MLLT3: variants seen among roughly 807,000 people sequenced by gnomAD.
MLLT3 encodes MLLT3 super elongation complex subunit, also known as protein AF-9.
A neutral mutation model predicts 53.2 loss-of-function variants in MLLT3; 4 were observed. The observed-to-expected ratio is 0.08, with a 90% confidence interval of 0.04 to 0.17. The LOEUF (loss-of-function observed/expected upper bound fraction) is 0.17, where lower values mean the gene tolerates loss of function less well. MLLT3 is among the 10% of genes least tolerant of loss of function. MLLT3 has a pLI of 1.00. For synonymous variants in MLLT3, 283 were observed against 230.6 expected (o/e 1.23, Z -2.06); for missense variants, 569 against 684.0 (o/e 0.83, Z 1.87).
chr9:20,456,258 T>C (rs1163609960), intron 3 of MLLT3, among the ~76,000 whole-genome samples: 1 of 152,006 alleles, frequency 6.6e-6, no homozygotes, highest in Non-Finnish European at 1.5e-5. Context: ...TTAAATCCAG[T>C]AAAATCCATA....
At chr9:20,367,722 GGTTTCCTGT>G (rs1461537115) in intron 5 of MLLT3, among the ~76,000 whole-genome samples, 1 of 152,044 alleles carries the variant, frequency 6.6e-6, no homozygotes, top group Non-Finnish European at 1.5e-5. Context: ...GAATATTTGT[GGTTTCCTGT>G]GTATAGAACA....
In MLLT3 at chr9:20,601,140, C is replaced by T. The variant is rs974463029; in HGVS notation, c.193+19514G>A. 1.2e-3 allele frequency among the ~76,000 whole-genome samples: 47 copies of T among 37,702 alleles called. 1 individual carries two copies. Among genetic ancestry groups the T allele is most frequent in the Admixed American group, 7.6e-3 (44 of 5,774 alleles). The allele number at this position is 37,702 out of a possible 152,430, so 24.7% of individuals were successfully genotyped here. On this transcript the variant is annotated intron_variant, in intron 2 of 10. Transcript: ENST00000380338. ...AACGTCAAAACGTCAGAATGACATT[C>T]TGGAAACAAACTTCACTTTGGGCTA...
At chr9:20,361,852 A>G (rs1821331663) in intron 7 of MLLT3, among the ~76,000 whole-genome samples, 1 of 152,212 alleles carries the variant, frequency 6.6e-6, no homozygotes, top group South Asian at 2.1e-4. Context: ...AAACTGTTTT[A>G]GAAATCAGGA....
chr9:20,547,287 A>G (rs528369509), intron 2 of MLLT3, among the ~76,000 whole-genome samples: 2 of 151,740 alleles, frequency 1.3e-5, no homozygotes, highest in African/African-American at 4.8e-5. Context: ...ACCTGCCTCA[A>G]CCTCCTAAAG....
chr9:20,459,843 A>G (rs773369488), intron 2 of MLLT3, among the ~76,000 whole-genome samples: 6 of 152,332 alleles, frequency 3.9e-5, no homozygotes, highest in Admixed American at 2.0e-4. Flanking sequence ...AATTTCATCA[A>G]TAACAATGAA....
chr9:20,462,885 C>G (rs918676213), intron 2 of MLLT3, among the ~76,000 whole-genome samples: 3 of 151,966 alleles, frequency 2.0e-5, no homozygotes, highest in Non-Finnish European at 4.4e-5. Context: ...ATAAAGTATA[C>G]AAGGCCTGGG....
At chr9:20,551,408 C>G (rs1421176598) in intron 2 of MLLT3, among the ~76,000 whole-genome samples, 2 of 152,164 alleles carry the variant, frequency 1.3e-5, no homozygotes, top group South Asian at 2.1e-4. Context: ...GTTTCATTTT[C>G]CCAACTTCCT....
At chr9:20,400,962 C>A (rs948231185) in intron 5 of MLLT3, among the ~76,000 whole-genome samples, 3 of 152,010 alleles carry the variant, frequency 2.0e-5, no homozygotes, top group Non-Finnish European at 4.4e-5. Flanking sequence ...AGGAAAGAGA[C>A]AGGAGATAGG....
Position 20,586,821 on chromosome 9 carries a change from G to T in MLLT3, c.193+33833C>A, listed in dbSNP as rs1306681307. ...GGAGCCAGCAGAGGGGAGCAAGTTG[G>T]GAGGAGAAAAAAGAGCAAAAATAAG... On this transcript the variant is annotated intron_variant, in intron 2 of 10. Coordinates refer to ENST00000380338, the MANE Select transcript of MLLT3 (RefSeq NM_004529.4). Among the ~76,000 whole-genome samples the T allele has an allele frequency of 2.0e-5, 3 of 151,956 alleles. No homozygotes were observed. In the East Asian group the frequency reaches 5.8e-4, roughly 29 times the overall value.
chr9:20,417,527 A>G (rs1027811894), intron 4 of MLLT3, among the ~76,000 whole-genome samples: 1 of 151,934 alleles, frequency 6.6e-6, no homozygotes, highest in Non-Finnish European at 1.5e-5. Context: ...TTACACATGT[A>G]TAATTCAAAT....
intron 5 of MLLT3, among the ~76,000 whole-genome samples, chr9:20,377,740 T>C (rs1476846290): frequency 6.6e-6 from 1 of 152,150 alleles, no homozygotes; most frequent in African/African-American, 2.4e-5. Flanking sequence ...GGATTTACTA[T>C]CATGGCAGTG....
intron 5 of MLLT3, among the ~76,000 whole-genome samples, chr9:20,394,432 A>C (rs942488997): frequency 6.6e-6 from 1 of 152,192 alleles, no homozygotes; most frequent in South Asian, 2.1e-4. Flanking sequence ...CCTGAGTTAG[A>C]GAATTAACTG....
In MLLT3 at chr9:20,586,141, G is replaced by C. The variant is rs369606956; in HGVS notation, c.193+34513C>G. Among the ~76,000 whole-genome samples the C allele has an allele frequency of 1.0e-3, 159 of 152,058 alleles. No homozygotes were observed. The South Asian group carries it at 0.033, about 31-fold the overall frequency. ...GCGACCAGCCGGGCAACATAGCGAG[G>C]CTTCATCTCTACAAAAAAAATGTTT... is the stretch of plus-strand genomic sequence containing the variant. On this transcript the variant is annotated intron_variant, in intron 2 of 10. Coordinates refer to ENST00000380338, the MANE Select transcript of MLLT3 (RefSeq NM_004529.4).
chr9:20,369,079 G>A (rs1461983790), intron 5 of MLLT3, among the ~76,000 whole-genome samples: 1 of 152,108 alleles, frequency 6.6e-6, no homozygotes, highest in African/African-American at 2.4e-5. Flanking sequence ...TGGGTGAGTG[G>A]GACAGGACCC....
intron 2 of MLLT3, among the ~76,000 whole-genome samples, chr9:20,538,834 T>C (rs887273880): frequency 2.0e-5 from 3 of 152,148 alleles, no homozygotes; most frequent in East Asian, 1.9e-4. Context: ...AAAGCAAATA[T>C]CACAATAAAG....
In MLLT3 at chr9:20,621,720, C is replaced by T. The variant is rs1381840929; in HGVS notation, c.12+525G>A. On this transcript the variant is annotated intron_variant, in intron 1 of 10. Coordinates refer to ENST00000380338, the MANE Select transcript of MLLT3 (RefSeq NM_004529.4). This position sits in a 1 kb window ranked among gnomAD's most constrained non-coding sequence, Gnocchi z 7.0. ...GGGGCAAAGTTGCGTGCGGCCCCGC[C>T]GCTGTCAGCCCCGCACACTTCGGCT... is the stretch of plus-strand genomic sequence containing the variant. 2 of 1,477,272 alleles carry T rather than the reference C, an allele frequency of 1.4e-6. No individual in the cohort carries two copies. Among genetic ancestry groups the T allele is most frequent in the African/African-American group, 1.5e-5 (1 of 67,982 alleles). 91.5% of individuals were successfully genotyped at this position (1,477,272 alleles called of 1,614,324 possible). A position where few individuals can be genotyped will look rare whatever the true frequency, so the allele number is the denominator to read the frequency against.
chr9:20,616,217 GAC>G (rs1302759469), intron 2 of MLLT3, among the ~76,000 whole-genome samples: 6 of 152,064 alleles, frequency 3.9e-5, no homozygotes, highest in African/African-American at 1.4e-4. Context: ...TGAGAAAAGA[GAC>G]ACAGAAGTAA....
At chr9:20,487,833 G>A (rs1355253031) in intron 2 of MLLT3, among the ~76,000 whole-genome samples, 2 of 152,078 alleles carry the variant, frequency 1.3e-5, no homozygotes, top group Non-Finnish European at 2.9e-5. Context: ...TAAAAGATCT[G>A]AGGAAAACCA....
intron 2 of MLLT3, among the ~76,000 whole-genome samples, chr9:20,557,066 C>A (rs545428838): frequency 6.6e-6 from 1 of 152,260 alleles, no homozygotes; most frequent in Non-Finnish European, 1.5e-5. Flanking sequence ...AACAGCTCCT[C>A]GGTTTGCACC....
Sources: allele counts gnomAD v4.1 joint callset (sites outside exome capture counted in the v4.1 genomes callset), GRCh38; gene constraint gnomAD v4.1.1; non-coding constraint Gnocchi (gnomAD v3.1); transcripts MANE v1.5; gene names NCBI Gene and HGNC (gene_info 2026-07-23, HGNC 2026-07-21).